LRBA: variants seen among roughly 807,000 people sequenced by gnomAD.
LRBA encodes the protein LPS responsive beige-like anchor protein.
LRBA carries 176 observed loss-of-function variants against 330.0 expected under a neutral mutation model. That is an observed-to-expected ratio of 0.53 (90% CI 0.47 to 0.60). The LOEUF (loss-of-function observed/expected upper bound fraction) is 0.60. LRBA is among the 20% of genes least tolerant of loss of function. The probability of loss-of-function intolerance (pLI) is 0.00; values close to 1 mark genes in which losing one functional copy is unlikely to be tolerated. For missense variants in LRBA, 3,259 were observed against 3,444.8 expected (o/e 0.95, Z 1.35); for synonymous variants, 1,230 against 1,193.0 (o/e 1.03, Z -0.64).
intron 47 of LRBA, among the ~76,000 whole-genome samples, chr4:150,370,705 A>C (rs775094969): frequency 9.2e-5 from 14 of 152,218 alleles, no homozygotes; most frequent in Non-Finnish European, 1.8e-4. Flanking sequence ...ATCAGTTATA[A>C]CACAGTAAGT....
intron 35 of LRBA, among the ~76,000 whole-genome samples, chr4:150,735,621 T>C (rs567123260): frequency 1.3e-5 from 2 of 152,328 alleles, no homozygotes; most frequent in African/African-American, 4.8e-5. Flanking sequence ...ATTAAAGTTG[T>C]GTTTTAATCT....
At chr4:150,880,469 G>A (rs1354972207) in intron 17 of LRBA, among the ~76,000 whole-genome samples, 1 of 150,236 alleles carries the variant, frequency 6.7e-6, no homozygotes, top group African/African-American at 2.4e-5. Flanking sequence ...GTAGTGAGCT[G>A]TGATCGTGCC....
intron 38 of LRBA, among the ~76,000 whole-genome samples, chr4:150,595,855 G>T (rs1256600507): frequency 2.0e-5 from 3 of 151,814 alleles, no homozygotes; most frequent in African/African-American, 7.2e-5. Context: ...TGCTCTGATA[G>T]TAAGTAACAG....
At chr4:150,394,304 C>T (rs1349191252) in intron 47 of LRBA, among the ~76,000 whole-genome samples, 1 of 152,126 alleles carries the variant, frequency 6.6e-6, no homozygotes, top group Non-Finnish European at 1.5e-5. Context: ...AATGCATATT[C>T]ATTCAGACAT....
At chr4:150,558,561 A>G (rs917250003) in intron 40 of LRBA, among the ~76,000 whole-genome samples, 74 of 152,124 alleles carry the variant, frequency 4.9e-4, no homozygotes, top group Non-Finnish European at 1.1e-3. Flanking sequence ...CTCCAGGCTC[A>G]TCTTGTGTAG....
intron 34 of LRBA, among the ~76,000 whole-genome samples, chr4:150,773,992 T>G (rs1237959655): frequency 6.6e-6 from 1 of 152,184 alleles, no homozygotes; most frequent in African/African-American, 2.4e-5. Context: ...ACAGGTCCCT[T>G]TGAAGAAGAG....
At chr4:150,944,476 T>C (rs112069927) in intron 2 of LRBA, among the ~76,000 whole-genome samples, 2 of 152,290 alleles carry the variant, frequency 1.3e-5, no homozygotes, top group African/African-American at 4.8e-5. Flanking sequence ...TACATAATAC[T>C]TGTATTTAAT....
At chr4:150,742,083 T>C (rs1338090249) in intron 35 of LRBA, among the ~76,000 whole-genome samples, 1 of 151,536 alleles carries the variant, frequency 6.6e-6, no homozygotes, top group Non-Finnish European at 1.5e-5. Flanking sequence ...CCTTCTTTAA[T>C]AGGAGTTGAG....
rs145668695 is a variant in LRBA at position 150,795,010 on chromosome 4, T to C, written c.5580+3071A>G. On this transcript the variant is annotated intron_variant, in intron 34 of 56. Transcript: ENST00000651943. ...GTAGCCATACACATTATTTATTTAT[T>C]AGATGTTTTGGGTTGAAACCATTTT... Among the ~76,000 whole-genome samples, 3 of 152,178 alleles carry C rather than the reference T, an allele frequency of 2.0e-5. No individual in the cohort carries two copies. The East Asian group carries it at 5.8e-4, about 29-fold the overall frequency.
chr4:150,571,611 ATTCATACCT>A (rs1769845068), intron 40 of LRBA, among the ~76,000 whole-genome samples: 2 of 146,020 alleles, frequency 1.4e-5, no homozygotes, highest in African/African-American at 5.0e-5. Context: ...ATACTTAAGC[ATTCATACCT>A]TTAGTATGCA....
chr4:150,559,689 TTA>T (rs1196164772), intron 40 of LRBA, among the ~76,000 whole-genome samples: 5 of 89,518 alleles, frequency 5.6e-5, no homozygotes, highest in East Asian at 2.7e-4. Flanking sequence ...ATATATTATA[TTA>T]TATATTATAT....
At chr4:150,915,997 ACCC>A (rs1481919637) in intron 7 of LRBA, among the ~76,000 whole-genome samples, 1 of 151,760 alleles carries the variant, frequency 6.6e-6, no homozygotes, top group African/African-American at 2.4e-5. Flanking sequence ...AAGTACAAAC[ACCC>A]CCTTTTTCCA....
rs191260927 is a variant in LRBA at position 150,787,086 on chromosome 4, G to A, written c.5580+10995C>T. 4.4e-3 allele frequency among the ~76,000 whole-genome samples: 665 copies of A among 152,152 alleles called. 4 individuals are homozygous for A. Among genetic ancestry groups the A allele is most frequent in the African/African-American group, 0.015 (640 of 41,482 alleles). ...GTCTTTACAAAAATAAAAAAAAGTC[G>A]CCAGGCATGATGGTGGGTGCCTGTA... On this transcript the variant is annotated intron_variant, in intron 34 of 56. Transcript: ENST00000651943.
intron 47 of LRBA, among the ~76,000 whole-genome samples, chr4:150,366,512 ACATTC>A (rs1739487464): frequency 6.6e-6 from 1 of 152,180 alleles, no homozygotes; most frequent in Non-Finnish European, 1.5e-5. Flanking sequence ...GTTAATTGAA[ACATTC>A]CTGTTTGAGA....
chr4:150,468,032 G>A (rs2152062474), intron 43 of LRBA, among the ~76,000 whole-genome samples: 1 of 151,956 alleles, frequency 6.6e-6, no homozygotes, highest in South Asian at 2.1e-4. Context: ...ACTAGTAATG[G>A]TCAAACCATA....
At chr4:150,669,734 T>C (rs1286310271) in intron 37 of LRBA, among the ~76,000 whole-genome samples, 1 of 151,938 alleles carries the variant, frequency 6.6e-6, no homozygotes, top group Non-Finnish European at 1.5e-5. Context: ...CCCAGATAAT[T>C]GTTGTATTTT....
rs118137474 is a variant in LRBA, at chr4:150,956,771, A to G, written c.217-27706T>C. Among the ~76,000 whole-genome samples, 937 of 149,232 alleles carry G rather than the reference A, an allele frequency of 6.3e-3. 48 individuals carry two copies. The highest frequency in any genetic ancestry group is 0.053 in the East Asian group (275 of 5,184). On this transcript the variant is annotated intron_variant, in intron 2 of 56. Coordinates refer to ENST00000651943, the MANE Select transcript of LRBA (RefSeq NM_001364905.1). ...ACACCATAAAATGAAAAACCACATG[A>G]TCATCTCAATAGACAAAAAAAGCAT...
At chr4:150,919,019 T>C (rs904066398) in intron 5 of LRBA, among the ~76,000 whole-genome samples, 6 of 152,152 alleles carry the variant, frequency 3.9e-5, no homozygotes, top group Admixed American at 6.5e-5. Flanking sequence ...ATTCACTAGT[T>C]GACAAATGAT....
At chr4:150,691,390 G>A (rs930490346) in intron 36 of LRBA, among the ~76,000 whole-genome samples, 9 of 152,062 alleles carry the variant, frequency 5.9e-5, no homozygotes, top group Non-Finnish European at 1.3e-4. Context: ...AAAATAATTA[G>A]CACAGGATTT....
Sources: gnomAD v4.1 joint callset for allele counts (sites outside exome capture counted in the v4.1 genomes callset) on GRCh38, gnomAD v4.1.1 for gene constraint, MANE v1.5 for transcripts, NCBI Gene and HGNC (gene_info 2026-07-23, HGNC 2026-07-21) for gene names.